Variants in STK32B observed in about 807,000 individuals in gnomAD.
STK32B encodes serine/threonine kinase 32B, also known as serine/threonine-protein kinase 32B.
In STK32B, 43 loss-of-function variants were observed where a neutral mutation model predicts 52.6. The observed-to-expected ratio is 0.82, with a 90% CI of 0.64 to 1.05. The LOEUF is 1.05. Among genes scored for constraint, STK32B ranks in the 50% least tolerant of loss-of-function variants. The probability of loss-of-function intolerance (pLI) is 0.00; values close to 1 mark genes in which losing one functional copy is unlikely to be tolerated. For missense variants in STK32B, 621 were observed against 534.6 expected, an observed-to-expected ratio of 1.16 and a Z score of -1.59; for synonymous variants, 238 against 204.3, an observed-to-expected ratio of 1.17 and a Z score of -1.41.
chr4:5,461,619 G>A (rs765492814), intron 9 of STK32B, among the ~76,000 whole-genome samples: 25 of 152,200 alleles, frequency 1.6e-4, no homozygotes, highest in African/African-American at 6.0e-4. Flanking sequence ...TGTGAGCAGC[G>A]TTGCATCCCC....
intron 1 of STK32B, among the ~76,000 whole-genome samples, chr4:5,103,503 G>C (rs1032699551): frequency 6.6e-6 from 1 of 152,018 alleles, no homozygotes; most frequent in African/African-American, 2.4e-5. Context: ...CTGCTCTACA[G>C]TATCACCTGT....
rs750396871 is a variant in STK32B at position 5,416,829 on chromosome 4, G to A, written c.473-16G>A. 8 of 1,611,690 alleles carry A rather than the reference G, an allele frequency of 5.0e-6. No homozygotes were observed. Among genetic ancestry groups the A allele is most frequent in the Non-Finnish European group, 6.8e-6 (8 of 1,178,918 alleles). On this transcript the variant is annotated splice_polypyrimidine_tract_variant and intron_variant, in intron 5 of 11. Transcript: ENST00000282908. ...GCAGCCCACGCTAACTGGAGTTTCT[G>A]TTTCTGTATTTGCAGGACATGTTCA...
At chr4:5,381,306 G>A (rs746715913) in intron 4 of STK32B, among the ~76,000 whole-genome samples, 4 of 152,216 alleles carry the variant, frequency 2.6e-5, no homozygotes, top group African/African-American at 7.2e-5. Flanking sequence ...GCTAGACTTA[G>A]AGCATTTAAG....
At chr4:5,412,121 A>T (rs1711740477) in intron 5 of STK32B, among the ~76,000 whole-genome samples, 1 of 152,176 alleles carries the variant, frequency 6.6e-6, no homozygotes, top group South Asian at 2.1e-4. Flanking sequence ...GGAGTACAGG[A>T]TACGTAAACA....
intron 4 of STK32B, among the ~76,000 whole-genome samples, chr4:5,372,598 C>A: frequency 6.6e-6 from 1 of 152,028 alleles, no homozygotes; most frequent in East Asian, 1.9e-4. Flanking sequence ...GAGAAGATGA[C>A]AACTCTGTTC....
In STK32B at chr4:5,398,837, G is replaced by A. The variant is rs1737097200; in HGVS notation, c.472+593G>A. Among the ~76,000 whole-genome samples the A allele has an allele frequency of 6.6e-6, 1 of 152,216 alleles. No homozygotes were observed. Among genetic ancestry groups the A allele is most frequent in the African/African-American group, 2.4e-5 (1 of 41,442 alleles). On this transcript the variant is annotated intron_variant, in intron 5 of 11. Transcript: ENST00000282908. This position sits in a 1 kb window ranked among gnomAD's most constrained non-coding sequence, Gnocchi z 4.9. ...GGGACTAGACTCTGCAAAGTCCAGA[G>A]TCTGCAAAGCTCCCAGGTGGCTGAT...
chr4:5,173,945 C>G (rs1011101831), intron 3 of STK32B, among the ~76,000 whole-genome samples: 1 of 152,138 alleles, frequency 6.6e-6, no homozygotes, highest in Non-Finnish European at 1.5e-5. Context: ...GTCTAAGTCT[C>G]TTTGTAGGTC....
chr4:5,400,526 AG>A lies in STK32B; in HGVS notation c.472+2283del, dbSNP rs147372859. Reference sequence around the variant, plus strand: ...CCCATTTCATCGAAAAGTCTCTGCTAGCTGGTGGGACAGAGCGTTGAATATA... The same window carrying A: ...CCCATTTCATCGAAAAGTCTCTGCTACTGGTGGGACAGAGCGTTGAATATA... On this transcript the variant is annotated intron_variant, in intron 5 of 11. Transcript: ENST00000282908. This position sits in a 1 kb window ranked among gnomAD's most constrained non-coding sequence, Gnocchi z 6.1. Among the ~76,000 whole-genome samples the A allele has an allele frequency of 6.6e-6, 1 of 152,308 alleles. No homozygotes were observed. The highest frequency in any genetic ancestry group is 2.4e-5 in the African/African-American group (1 of 41,558).
chr4:5,030,421 C>T, the STK32B span, among the ~76,000 whole-genome samples: 3 of 152,202 alleles, frequency 2.0e-5, no homozygotes, highest in South Asian at 6.2e-4. Flanking sequence ...TGAGTAGCAC[C>T]TGGTAACATT....
rs997208089 is a variant in STK32B at position 5,242,575 on chromosome 4, A to C, written c.260+74125A>C. Among the ~76,000 whole-genome samples, 22 of 152,162 alleles carry C rather than the reference A, an allele frequency of 1.4e-4. No homozygotes were observed. The South Asian group carries it at 4.0e-3, about 27-fold the overall frequency. On this transcript the variant is annotated intron_variant, in intron 3 of 11. Coordinates refer to ENST00000282908, the MANE Select transcript of STK32B (RefSeq NM_018401.3). The stretch of plus-strand genomic sequence containing the variant: ...TTCTTTTGCTGTGCAGAAGCTCTTG[A>C]GTTTAATTAGATCCCATTTGTCAAT...
At chr4:5,176,153 C>T (rs534147199) in intron 3 of STK32B, among the ~76,000 whole-genome samples, 143 of 152,296 alleles carry the variant, frequency 9.4e-4, no homozygotes, top group Middle Eastern at 6.8e-3. Flanking sequence ...ATTGGAAAAG[C>T]GTAGTATTAG....
At chr4:5,150,408 T>C (rs1467468556) in intron 2 of STK32B, among the ~76,000 whole-genome samples, 1 of 152,174 alleles carries the variant, frequency 6.6e-6, no homozygotes, top group Non-Finnish European at 1.5e-5. Flanking sequence ...TTCCTGGTTC[T>C]ATATATTAAG....
chr4:5,450,185 AC>A (rs1385703828), intron 7 of STK32B, among the ~76,000 whole-genome samples: 2 of 152,156 alleles, frequency 1.3e-5, no homozygotes, highest in Non-Finnish European at 2.9e-5. Flanking sequence ...CTTAGTTCTT[AC>A]CCTGGCAGGC....
chr4:5,031,169 C>T, the STK32B span, among the ~76,000 whole-genome samples: 2 of 152,134 alleles, frequency 1.3e-5, no homozygotes, highest in Non-Finnish European at 2.9e-5. Flanking sequence ...GGAGTGTCAT[C>T]TGCTTTATTT....
intron 4 of STK32B, among the ~76,000 whole-genome samples, chr4:5,371,002 A>ATATATATATATATATATATG (rs1204029655): frequency 6.8e-5 from 8 of 118,422 alleles, no homozygotes; most frequent in African/African-American, 3.2e-4. Context: ...GTGTGTATAT[A>ATATATATATATATATATATG]TATATATATG....
chr4:5,483,442 A>G (rs1247293682), intron 11 of STK32B, among the ~76,000 whole-genome samples: 3 of 151,922 alleles, frequency 2.0e-5, no homozygotes, highest in African/African-American at 4.8e-5. Flanking sequence ...TATCCCCTTT[A>G]TCATTTTTTA....
At chr4:5,116,338 T>C (rs563230855) in intron 1 of STK32B, among the ~76,000 whole-genome samples, 147 of 152,344 alleles carry the variant, frequency 9.6e-4, no homozygotes, top group African/African-American at 3.4e-3. Flanking sequence ...TCTTACACTT[T>C]TTAATAATTT....
rs74570158 is a variant in STK32B, at chr4:5,465,760, T to G, written c.910-943T>G. 4.3e-3 allele frequency among the ~76,000 whole-genome samples: 657 copies of G among 152,322 alleles called. 5 individuals are homozygous for G. Among genetic ancestry groups the G allele is most frequent in the African/African-American group, 0.015 (624 of 41,562 alleles). On this transcript the variant is annotated intron_variant, in intron 9 of 11. Transcript: ENST00000282908. The stretch of plus-strand genomic sequence containing the variant: ...AGGACACAGGGCCCAGTGGCAAGGC[T>G]GGCTGACCTCAAGGCTGTGCCTCGC...
At chr4:5,354,778 T>C (rs1734064774) in intron 4 of STK32B, among the ~76,000 whole-genome samples, 1 of 152,214 alleles carries the variant, frequency 6.6e-6, no homozygotes, top group South Asian at 2.1e-4. Flanking sequence ...ACATATTCTA[T>C]GCACATTAAA....
Sources: gnomAD v4.1 joint callset for allele counts (sites outside exome capture counted in the v4.1 genomes callset) on GRCh38, gnomAD v4.1.1 for gene constraint, Gnocchi (gnomAD v3.1) non-coding constraint, MANE v1.5 for transcripts, NCBI Gene and HGNC (gene_info 2026-07-23, HGNC 2026-07-21) for gene names.